DHX57: variants seen among roughly 807,000 people sequenced by gnomAD.
DHX57 encodes the protein DExH-box helicase 57.
Under a neutral mutation model 156.2 loss-of-function variants are expected in DHX57, and 105 were observed. That is an observed-to-expected ratio of 0.67 (90% CI 0.57 to 0.79). DHX57 has a LOEUF of 0.79. Ranked by LOEUF, DHX57 falls within the 30% of genes least tolerant of loss-of-function variation. DHX57 has a pLI of 0.00. For missense variants in DHX57, 1,847 were observed against 1,661.9 expected, an observed-to-expected ratio of 1.11 and a Z score of -1.94; for synonymous variants, 704 against 595.6, an observed-to-expected ratio of 1.18 and a Z score of -2.65.
chr2:38,863,907 G>T (rs1168134526), intron 2 of DHX57, among the ~76,000 whole-genome samples: 1 of 152,016 alleles, frequency 6.6e-6, no homozygotes, highest in Non-Finnish European at 1.5e-5. Flanking sequence ...TAGCTACTCA[G>T]GAGGCTGAGG....
intron 23 of DHX57, among the ~76,000 whole-genome samples, chr2:38,798,935 T>G (rs560248291): frequency 6.6e-6 from 1 of 151,244 alleles, no homozygotes; most frequent in African/African-American, 2.4e-5. Flanking sequence ...ATAGCGAGAC[T>G]CTGTCCCCCC....
intron 12 of DHX57, among the ~76,000 whole-genome samples, chr2:38,839,033 G>A (rs1671838665): frequency 6.6e-6 from 1 of 152,090 alleles, no homozygotes; most frequent in African/African-American, 2.4e-5. Context: ...CCGGATTCAA[G>A]CGATTCTCCT....
chr2:38,868,723 T>C (rs974150289), intron 1 of DHX57, among the ~76,000 whole-genome samples: 5 of 152,218 alleles, frequency 3.3e-5, no homozygotes, highest in Non-Finnish European at 5.9e-5. Context: ...ATGTACATCA[T>C]AAACACATGG....
chr2:38,813,694 A>G, intron 21 of DHX57, 127 bp downstream of exon 21: 1 of 1,076,606 alleles, frequency 9.3e-7, no homozygotes, highest in Non-Finnish European at 1.4e-6. Context: ...TAAGTTTAAA[A>G]GGGTGTGCGT....
In DHX57 at chr2:38,854,194, G is replaced by T. The variant is rs1344405533; in HGVS notation, c.1906-16C>A. The T allele has an allele frequency of 6.2e-7, 1 of 1,609,546 alleles. No homozygotes were observed. Among genetic ancestry groups the T allele is most frequent in the Admixed American group, 1.7e-5 (1 of 59,400 alleles). On this transcript the variant is annotated splice_polypyrimidine_tract_variant and intron_variant, in intron 8 of 23. Coordinates refer to ENST00000457308, the MANE Select transcript of DHX57 (RefSeq NM_198963.3). ...TGGCTGAGGACTTACACATGAAAGG[G>T]CAATATAAATCATTAATAAAATTTT...
At chr2:38,837,196 T>C (rs578001309) in intron 13 of DHX57, among the ~76,000 whole-genome samples, 1 of 152,332 alleles carries the variant, frequency 6.6e-6, no homozygotes, top group South Asian at 2.1e-4. Flanking sequence ...TAGTATCTAC[T>C]GAGCCTTAAC....
Position 38,824,419 on chromosome 2 carries a change from C to T in DHX57, c.3015-1150G>A, listed in dbSNP as rs530830075. ...TTCAGTTTTGCAAAATGAGTAAGTT[C>T]GAGAGCTCTGCTGTACAACATTATG... is the stretch of plus-strand genomic sequence containing the variant. On this transcript the variant is annotated intron_variant, in intron 16 of 23. Transcript: ENST00000457308. Among the ~76,000 whole-genome samples the T allele has an allele frequency of 1.2e-4, 19 of 152,196 alleles. No individual in the cohort carries two copies. The South Asian group carries it at 1.9e-3, about 15-fold the overall frequency.
At chr2:38,874,511 G>A (rs987960029) in intron 1 of DHX57, among the ~76,000 whole-genome samples, 2 of 144,352 alleles carry the variant, frequency 1.4e-5, no homozygotes, top group Admixed American at 7.3e-5. Context: ...CCGGGTTCAC[G>A]CCATTCTCCT....
intron 15 of DHX57, 113 bp from the exon 16 acceptor site, chr2:38,826,160 C>G: frequency 3.6e-6 from 4 of 1,114,488 alleles, no homozygotes; most frequent in East Asian, 2.6e-5. Flanking sequence ...ACACAGTGCC[C>G]TGTATATTCT....
chr2:38,845,174 T>C (rs1672201704), intron 11 of DHX57, among the ~76,000 whole-genome samples: 1 of 151,548 alleles, frequency 6.6e-6, no homozygotes, highest in African/African-American at 2.4e-5. Context: ...TCAGCCTGGG[T>C]GACAGAGTGA....
chr2:38,834,305 T>C (rs1309252098), intron 13 of DHX57, among the ~76,000 whole-genome samples: 4 of 132,050 alleles, frequency 3.0e-5, no homozygotes, highest in African/African-American at 1.2e-4. Context: ...CACTCCAGCC[T>C]GGTCAACAAG....
intron 2 of DHX57, among the ~76,000 whole-genome samples, chr2:38,864,640 C>G (rs1664962470): frequency 6.6e-6 from 1 of 152,070 alleles, no homozygotes; most frequent in African/African-American, 2.4e-5. Context: ...TGGATCATTC[C>G]CATCAGCATA....
chr2:38,845,865 CTTTTT>C (rs5830544), intron 11 of DHX57, among the ~76,000 whole-genome samples: 1 of 137,218 alleles, frequency 7.3e-6, no homozygotes, highest in Non-Finnish European at 1.6e-5. Flanking sequence ...TAATAGCTAA[CTTTTT>C]TTTTTTTTTT....
chr2:38,861,063 A>T lies in DHX57; in HGVS notation c.1347T>A (p.Asn449Lys). 1 of 1,614,206 alleles carries T rather than the reference A, an allele frequency of 6.2e-7. No homozygotes were observed. The highest frequency in any genetic ancestry group is 1.3e-5 in the African/African-American group (1 of 75,076). ...TCACTGTTTTATGACAGGCAGGATT[A>T]TTTATTCTGGTCCTAGAGGGTACTG... is the stretch of plus-strand genomic sequence containing the variant. ...FLPVPSRTRI[N>K]NPACHKTVIP... Residue 449 changes from asparagine to lysine, a missense_variant, in exon 5 of 24, where the codon AAT (asparagine) becomes AAA (lysine). Coordinates refer to ENST00000457308, the MANE Select transcript of DHX57 (RefSeq NM_198963.3).
At chr2:38,827,523 T>C (rs1293643918) in intron 14 of DHX57, among the ~76,000 whole-genome samples, 7 of 27,550 alleles carry the variant, frequency 2.5e-4, no homozygotes, top group Non-Finnish European at 2.3e-4. Flanking sequence ...TATATATATA[T>C]ATATATATAT....
chr2:38,827,718 G>C (rs1196010567), intron 14 of DHX57, among the ~76,000 whole-genome samples: 1 of 151,436 alleles, frequency 6.6e-6, no homozygotes, highest in African/African-American at 2.4e-5. Flanking sequence ...TCCTGGAATA[G>C]GAACTATTGA....
intron 22 of DHX57, 199 bp from the exon 23 acceptor site, chr2:38,803,114 A>C: frequency 1.8e-6 from 1 of 568,130 alleles, no homozygotes; most frequent in Non-Finnish European, 3.1e-6. Flanking sequence ...CATATCTCAC[A>C]CTTGTGTTTA....
At chr2:38,832,119 T>G (rs1671413606) in intron 13 of DHX57, among the ~76,000 whole-genome samples, 1 of 152,038 alleles carries the variant, frequency 6.6e-6, no homozygotes, top group Non-Finnish European at 1.5e-5. Flanking sequence ...TTTAAATAAT[T>G]TTATATGGCT....
chr2:38,870,881 A>C (rs1408389858), intron 1 of DHX57, among the ~76,000 whole-genome samples: 1 of 151,940 alleles, frequency 6.6e-6, no homozygotes, highest in Non-Finnish European at 1.5e-5. Flanking sequence ...TCCATCTCAA[A>C]AAAACAAAAA....
Sources: gnomAD v4.1 joint callset for allele counts (sites outside exome capture counted in the v4.1 genomes callset) on GRCh38, gnomAD v4.1.1 for gene constraint, MANE v1.5 for transcripts, NCBI Gene and HGNC (gene_info 2026-07-23, HGNC 2026-07-21) for gene names.